SETBP1: variants seen among roughly 807,000 people sequenced by gnomAD.
SETBP1 encodes SET-binding protein.
SETBP1 carries 9 observed loss-of-function variants against 101.0 expected under a neutral mutation model. The observed-to-expected ratio is 0.09, with a 90% CI of 0.05 to 0.16. SETBP1 has a LOEUF of 0.16. Among genes scored for constraint, SETBP1 ranks in the 10% least tolerant of loss-of-function variants. SETBP1 has a pLI of 1.00. For missense variants in SETBP1, 1,858 were observed against 2,033.8 expected, an observed-to-expected ratio of 0.91 and a Z score of 1.66; for synonymous variants, 818 against 788.5, an observed-to-expected ratio of 1.04 and a Z score of -0.63.
At chr18:44,779,924 ACACACGCACG>A (rs1228134878) in intron 2 of SETBP1, among the ~76,000 whole-genome samples, 3 of 151,596 alleles carry the variant, frequency 2.0e-5, no homozygotes, top group Non-Finnish European at 2.9e-5. Context: ...ACACACACAC[ACACACGCACG>A]CACACACACA....
At chr18:44,837,557 G>A (rs1401918150) in intron 2 of SETBP1, among the ~76,000 whole-genome samples, 1 of 152,192 alleles carries the variant, frequency 6.6e-6, no homozygotes, top group Non-Finnish European at 1.5e-5. Flanking sequence ...CATAAATGCT[G>A]TCTTTGCATC....
intron 2 of SETBP1, among the ~76,000 whole-genome samples, chr18:44,772,775 G>A (rs376886981): frequency 3.3e-5 from 5 of 152,186 alleles, no homozygotes; most frequent in African/African-American, 1.2e-4. Flanking sequence ...GATTCGTGGG[G>A]AACATTCTGA....
At chr18:44,838,501 C>T (rs2072543320) in intron 2 of SETBP1, among the ~76,000 whole-genome samples, 1 of 152,164 alleles carries the variant, frequency 6.6e-6, no homozygotes, top group African/African-American at 2.4e-5. Context: ...ACATCTGGGT[C>T]CCTTGCTGCA....
intron 3 of SETBP1, among the ~76,000 whole-genome samples, chr18:44,912,919 T>C (rs972144054): frequency 1.3e-5 from 2 of 152,142 alleles, no homozygotes; most frequent in Non-Finnish European, 2.9e-5. Flanking sequence ...GTCGTCCCGG[T>C]GCTCTTGAGG....
At chr18:44,908,122 G>A (rs907002913) in intron 3 of SETBP1, among the ~76,000 whole-genome samples, 6 of 151,520 alleles carry the variant, frequency 4.0e-5, no homozygotes, top group East Asian at 1.9e-4. Context: ...GTGCAGTGGC[G>A]TGATCTCAGC....
intron 2 of SETBP1, among the ~76,000 whole-genome samples, chr18:44,712,683 G>A (rs932480986): frequency 1.3e-4 from 20 of 151,986 alleles, no homozygotes; most frequent in African/African-American, 4.8e-4. Flanking sequence ...TAGATAAATG[G>A]CAGGGCAGTG....
Position 44,892,765 on chromosome 18 carries a change from C to A in SETBP1, c.540+23482C>A, listed in dbSNP as rs80022333. On this transcript the variant is annotated intron_variant, in intron 3 of 5. Coordinates refer to ENST00000649279, the MANE Select transcript of SETBP1 (RefSeq NM_015559.3). ...TTCCTCATCCACACAATAACTTCAA[C>A]CATTTGAAAGCAGTTATCAGAACTC... Among the ~76,000 whole-genome samples, 239 of 152,212 alleles carry A rather than the reference C, an allele frequency of 1.6e-3. 5 individuals are homozygous for A. The East Asian group carries it at 0.018, about 11-fold the overall frequency.
chr18:44,690,906 C>A (rs1235651237), intron 1 of SETBP1, among the ~76,000 whole-genome samples: 1 of 152,150 alleles, frequency 6.6e-6, no homozygotes, highest in Non-Finnish European at 1.5e-5. Flanking sequence ...TCTTTCAAAT[C>A]TACTGTATTT....
chr18:44,972,189 T>C lies in SETBP1; in HGVS notation c.4000+18849T>C, dbSNP rs1175363812. 2.0e-5 allele frequency among the ~76,000 whole-genome samples: 3 copies of C among 152,200 alleles called. No individual in the cohort carries two copies. In the East Asian group the frequency reaches 5.8e-4, roughly 29 times the overall value. The stretch of plus-strand genomic sequence containing the variant: ...TTGTCAAAGATCAGATAGTTGTAGA[T>C]ATGTGGCATTATTTCTGAGGGCTCT... On this transcript the variant is annotated intron_variant, in intron 4 of 5. Coordinates refer to ENST00000649279, the MANE Select transcript of SETBP1 (RefSeq NM_015559.3).
At chr18:44,916,561 T>C (rs925334308) in intron 3 of SETBP1, among the ~76,000 whole-genome samples, 2 of 152,194 alleles carry the variant, frequency 1.3e-5, no homozygotes, top group Non-Finnish European at 2.9e-5. Context: ...AGTGAAATCT[T>C]AGACTGAGAC....
At chr18:44,690,804 T>C (rs1349027501) in intron 1 of SETBP1, among the ~76,000 whole-genome samples, 2 of 152,250 alleles carry the variant, frequency 1.3e-5, no homozygotes, top group East Asian at 1.9e-4. Context: ...ACTTAGAGAA[T>C]ACCTGATGTA....
At chr18:44,987,124 T>C (rs1180262693) in intron 4 of SETBP1, 1 of 152,212 alleles carries the variant, frequency 6.6e-6, no homozygotes, top group East Asian at 1.9e-4. Flanking sequence ...CTCTATGATA[T>C]TGTAGTGGCT....
intron 2 of SETBP1, among the ~76,000 whole-genome samples, chr18:44,783,217 G>C (rs2071170903): frequency 6.6e-6 from 1 of 152,174 alleles, no homozygotes; most frequent in Admixed American, 6.6e-5. Context: ...CATGTTTTGG[G>C]GGACAGATAA....
At chr18:44,818,231 T>C (rs2072025651) in intron 2 of SETBP1, among the ~76,000 whole-genome samples, 1 of 152,218 alleles carries the variant, frequency 6.6e-6, no homozygotes. Context: ...GAGAGATGTT[T>C]CATTGCATGT....
At chr18:44,894,956 T>TA (rs71297942) in intron 3 of SETBP1, among the ~76,000 whole-genome samples, 59,818 of 131,908 alleles carry the variant, frequency 0.45, 13,117 homozygotes, top group African/African-American at 0.49. Flanking sequence ...CTGCAAAACT[T>TA]AAAAAAAAAA....
chr18:44,823,611 CT>C (rs2072166337), intron 2 of SETBP1, among the ~76,000 whole-genome samples: 2 of 152,186 alleles, frequency 1.3e-5, no homozygotes, highest in Non-Finnish European at 2.9e-5. Flanking sequence ...AGGACTTATG[CT>C]CAGGTCAAGG....
intron 2 of SETBP1, among the ~76,000 whole-genome samples, chr18:44,864,116 A>G (rs1256761121): frequency 1.3e-5 from 2 of 152,044 alleles, no homozygotes; most frequent in African/African-American, 4.8e-5. Flanking sequence ...GACAGAGGGG[A>G]AAAAAATGGA....
chr18:44,713,851 G>A (rs887818131), intron 2 of SETBP1, among the ~76,000 whole-genome samples: 1 of 152,218 alleles, frequency 6.6e-6, no homozygotes, highest in African/African-American at 2.4e-5. Context: ...GGGCAGAGAC[G>A]TGAATCGAAT....
intron 2 of SETBP1, among the ~76,000 whole-genome samples, chr18:44,711,735 G>C (rs1439054557): frequency 6.8e-6 from 1 of 147,184 alleles, no homozygotes; most frequent in Non-Finnish European, 1.5e-5. Context: ...GTAGAGATAG[G>C]TCTTGCTATG....
Sources: allele counts gnomAD v4.1 joint callset (sites outside exome capture counted in the v4.1 genomes callset), GRCh38; gene constraint gnomAD v4.1.1; transcripts MANE v1.5; gene names NCBI Gene and HGNC (gene_info 2026-07-23, HGNC 2026-07-21).